Variants in CTDP1 observed in about 807,000 individuals in gnomAD.
CTDP1 encodes the protein RNA polymerase II subunit A C-terminal domain phosphatase.
A neutral mutation model predicts 91.8 loss-of-function variants in CTDP1; 47 were observed. That is an observed-to-expected ratio of 0.51 (90% CI 0.41 to 0.65). CTDP1 has a LOEUF of 0.65. Among genes scored for constraint, CTDP1 ranks in the 30% least tolerant of loss-of-function variants. The probability of loss-of-function intolerance (pLI) is 0.00; values close to 1 mark genes in which losing one functional copy is unlikely to be tolerated. For synonymous variants in CTDP1, 656 were observed against 598.5 expected (o/e 1.10, Z -1.40); for missense variants, 1,272 against 1,373.7 (o/e 0.93, Z 1.17).
At chr18:79,740,309 C>T (rs1347634520) in intron 12 of CTDP1, among the ~76,000 whole-genome samples, 1 of 152,232 alleles carries the variant, frequency 6.6e-6, no homozygotes, top group Non-Finnish European at 1.5e-5. Context: ...GTGTGTGCCC[C>T]TCAAAAGGGT....
rs1055622758 is a variant in CTDP1, at chr18:79,689,667, G to A, written c.315-5558G>A. On this transcript the variant is annotated intron_variant, in intron 1 of 12. Coordinates refer to ENST00000613122, the MANE Select transcript of CTDP1 (RefSeq NM_004715.5). ...GTGATGGTGCGCACCTGCAGTCCCA[G>A]CTACTCGGGAGGCTGAGGCAAGAGA... 7.2e-5 allele frequency among the ~76,000 whole-genome samples: 11 copies of A among 152,144 alleles called. 1 individual carries two copies. In the East Asian group the frequency reaches 2.1e-3, roughly 29 times the overall value.
At chr18:79,716,002 G>C (rs1005969941) in intron 8 of CTDP1, among the ~76,000 whole-genome samples, 1 of 152,210 alleles carries the variant, frequency 6.6e-6, no homozygotes, top group African/African-American at 2.4e-5. Flanking sequence ...AACCTGTCCC[G>C]GACGGGGCAG....
chr18:79,691,354 G>A lies in CTDP1; in HGVS notation c.315-3871G>A, dbSNP rs2085617117. On this transcript the variant is annotated intron_variant, in intron 1 of 12. Transcript: ENST00000613122. ...TCTTAGACCTGTGCTGGGGAAGGCA[G>A]GTGGCACCTGGGCTTGCTACCAGCC... is the stretch of plus-strand genomic sequence containing the variant. Among the ~76,000 whole-genome samples the A allele has an allele frequency of 2.0e-5, 3 of 152,334 alleles. No individual in the cohort carries two copies. The South Asian group carries it at 6.2e-4, about 32-fold the overall frequency.
rs557393781 is a variant in CTDP1, at chr18:79,743,563, G to A, written c.2747+7042G>A. ...AAAAAAACAGTGAAGCACAAAGTGAGGAGTCTGAGTGTGCACCTGCTCTCA... is the reference window on the plus strand; with the variant it reads ...AAAAAAACAGTGAAGCACAAAGTGAAGAGTCTGAGTGTGCACCTGCTCTCA... On this transcript the variant is annotated intron_variant, in intron 12 of 12. Coordinates refer to ENST00000613122, the MANE Select transcript of CTDP1 (RefSeq NM_004715.5). Among the ~76,000 whole-genome samples the A allele has an allele frequency of 4.0e-5, 6 of 150,226 alleles. No individual in the cohort carries two copies. In the East Asian group the frequency reaches 1.2e-3, roughly 30 times the overall value.
intron 11 of CTDP1, among the ~76,000 whole-genome samples, chr18:79,729,466 G>A (rs1266203811): frequency 2.6e-5 from 4 of 152,204 alleles, no homozygotes; most frequent in Non-Finnish European, 4.4e-5. Flanking sequence ...CCTGCCTGAC[G>A]CCGACCGGCC....
intron 1 of CTDP1, among the ~76,000 whole-genome samples, chr18:79,692,274 G>GC (rs1391275710): frequency 6.6e-6 from 1 of 152,012 alleles, no homozygotes; most frequent in African/African-American, 2.4e-5. Context: ...GCTGGAAGGT[G>GC]CCCCCCGCCC....
At chr18:79,739,309 C>G (rs1466833560) in intron 12 of CTDP1, among the ~76,000 whole-genome samples, 1 of 152,214 alleles carries the variant, frequency 6.6e-6, no homozygotes, top group African/African-American at 2.4e-5. Context: ...GTGTCTCCCC[C>G]TGTGGGCAAC....
intron 12 of CTDP1, among the ~76,000 whole-genome samples, chr18:79,746,366 A>G (rs639615): frequency 0.89 from 90,891 of 101,972 alleles, 41,722 homozygotes; most frequent in Admixed American, 0.91. Context: ...CGTCCCTCCC[A>G]TGCGCGTTCT....
Position 79,714,978 on chromosome 18 carries a change from G to A in CTDP1, c.1518G>A (p.Gly506=). Residue 506 remains glycine (G), a synonymous_variant, in exon 8 of 13, where the codon GGG becomes GGA. Transcript: ENST00000613122. ...CACAGGGCAGTTCCCTGGAGCCGGG[G>A]CGGCCTGCAGCACCGAGTCTCCCCG... The part of the protein sequence containing the change: ...ALAQGSSLEP[G]RPAAPSLPGE... 6 of 1,571,738 alleles carry A rather than the reference G, an allele frequency of 3.8e-6. No homozygotes were observed. The highest frequency in any genetic ancestry group is 5.2e-6 in the Non-Finnish European group (6 of 1,159,390).
intron 1 of CTDP1, among the ~76,000 whole-genome samples, chr18:79,688,095 G>GC (rs2122410791): frequency 6.6e-6 from 1 of 152,320 alleles, no homozygotes; most frequent in East Asian, 1.9e-4. Flanking sequence ...CGCTGCCAGA[G>GC]CCCCACCTGT....
chr18:79,722,830 A>T (rs925609015), intron 10 of CTDP1, among the ~76,000 whole-genome samples: 12 of 152,182 alleles, frequency 7.9e-5, no homozygotes, highest in African/African-American at 2.9e-4. Flanking sequence ...AGCCGGCAGG[A>T]GTTCTGCGGG....
intron 8 of CTDP1, 143 bp downstream of exon 8, chr18:79,715,671 T>C (rs1568196581): frequency 4.2e-6 from 4 of 957,630 alleles, no homozygotes; most frequent in South Asian, 1.7e-5. Context: ...GAATAGATCA[T>C]GACAGTGGGT....
At position 79,715,335 on chromosome 18, in the gene CTDP1, C is replaced by G. The variant is rs774316208; in HGVS notation, c.1875C>G (p.Ile625Met). The G allele has an allele frequency of 6.2e-7, 1 of 1,608,712 alleles. No individual in the cohort carries two copies. The highest frequency in any genetic ancestry group is 8.5e-7 in the Non-Finnish European group (1 of 1,177,466). The change falls in exon 8 of 13, where the codon ATC becomes ATG. Residue 625 changes from isoleucine to methionine, a missense_variant. Ile to Met is a conservative substitution (Grantham distance 10). Coordinates refer to ENST00000613122, the MANE Select transcript of CTDP1 (RefSeq NM_004715.5). ...AGGAGGCGCCGGACATCCGCAAGAT[C>G]GTGCCGGAGCTCAAGAGCAAGGTGC... ...EIEEAPDIRKIVPELKSKVLA... is the reference protein window; with the variant it reads ...EIEEAPDIRKMVPELKSKVLA...
chr18:79,753,975 A>G lies in CTDP1; in HGVS notation c.*185A>G. 1.2e-6 allele frequency: 1 copy of G among 821,514 alleles called. No homozygotes were observed. Among genetic ancestry groups the G allele is most frequent in the Non-Finnish European group, 1.9e-6 (1 of 531,578 alleles). 50.9% of individuals were successfully genotyped at this position (821,514 alleles called of 1,614,324 possible). A position where few individuals can be genotyped will look rare whatever the true frequency, so the allele number is the denominator to read the frequency against. On this transcript the variant is annotated 3_prime_UTR_variant, in exon 13 of 13. Coordinates refer to ENST00000613122, the MANE Select transcript of CTDP1 (RefSeq NM_004715.5). ...TGTTTTTAAGAAGTTTTACTACAGGAATGTCTACTTTTGTAAGTGACAGGT... is the reference window on the plus strand; with the variant it reads ...TGTTTTTAAGAAGTTTTACTACAGGGATGTCTACTTTTGTAAGTGACAGGT...
intron 1 of CTDP1, among the ~76,000 whole-genome samples, chr18:79,690,762 A>G (rs2085603366): frequency 6.6e-6 from 1 of 152,176 alleles, no homozygotes; most frequent in Admixed American, 6.5e-5. Flanking sequence ...CCCTGCCTCC[A>G]GGTGTGATAT....
At chr18:79,746,695 G>A (rs1237986141) in intron 12 of CTDP1, among the ~76,000 whole-genome samples, 1 of 152,212 alleles carries the variant, frequency 6.6e-6, no homozygotes, top group Non-Finnish European at 1.5e-5. Context: ...TGGCTCACTG[G>A]AAGCTTGAAC....
chr18:79,732,300 C>T (rs953311931), intron 11 of CTDP1, among the ~76,000 whole-genome samples: 3 of 150,396 alleles, frequency 2.0e-5, no homozygotes, highest in Non-Finnish European at 4.4e-5. Flanking sequence ...CAGGAGTGCT[C>T]CCAAAATCAC....
At chr18:79,740,402 G>T (rs769924529) in intron 12 of CTDP1, among the ~76,000 whole-genome samples, 19 of 152,248 alleles carry the variant, frequency 1.2e-4, no homozygotes, top group Non-Finnish European at 2.5e-4. Flanking sequence ...CTTCCTTAAA[G>T]ACCAGGGACT....
intron 3 of CTDP1, among the ~76,000 whole-genome samples, chr18:79,697,193 C>T (rs1348649349): frequency 2.6e-5 from 4 of 152,208 alleles, no homozygotes; most frequent in East Asian, 1.9e-4. Flanking sequence ...CGTTTCCCTT[C>T]GGGGATGGGC....
Sources: allele counts gnomAD v4.1 joint callset (sites outside exome capture counted in the v4.1 genomes callset), GRCh38; gene constraint gnomAD v4.1.1; transcripts MANE v1.5; gene names NCBI Gene and HGNC (gene_info 2026-07-23, HGNC 2026-07-21).